SFTPD: variants seen among roughly 807,000 people sequenced by gnomAD.
The protein encoded by SFTPD is surfactant protein D.
In SFTPD, 18 loss-of-function variants were observed where a neutral mutation model predicts 34.6. That is an observed-to-expected ratio of 0.52 (90% CI 0.36 to 0.77). SFTPD has a LOEUF of 0.77. Ranked by LOEUF, SFTPD falls within the 30% of genes least tolerant of loss-of-function variation. SFTPD has a pLI of 0.00. For synonymous variants in SFTPD, 155 were observed against 180.9 expected (o/e 0.86, Z 1.15); for missense variants, 433 against 468.9 (o/e 0.92, Z 0.71).
chr10:79,946,680 AAG>A lies in SFTPD; in HGVS notation c.-3-20_-3-19del. ...AGCATGGCCTGGAGAGGTGAACAGA[AAG>A]AGAAAAGACATGCTTATGCTTCATG... On this transcript the variant is annotated intron_variant, in intron 1 of 7. Coordinates refer to ENST00000372292, the MANE Select transcript of SFTPD (RefSeq NM_003019.5). 1.2e-6 allele frequency: 2 copies of A among 1,607,252 alleles called. No individual in the cohort carries two copies. Among genetic ancestry groups the A allele is most frequent in the South Asian group, 2.2e-5 (2 of 90,534 alleles).
At chr10:79,951,105 A>T (rs1842707572), upstream of SFTPD, 2 of 151,446 alleles carry the variant, frequency 1.3e-5, no homozygotes, top group Admixed American at 1.3e-4. Context: ...TATTTTTCTG[A>T]TTTCCTTATG....
At chr10:79,941,903 C>T in intron 5 of SFTPD, 51 bp downstream of exon 5, 1 of 1,191,454 alleles carries the variant, frequency 8.4e-7, no homozygotes, top group Non-Finnish European at 1.2e-6. Context: ...CAGCTCCAAG[C>T]AGGCACAGGA....
intron 1 of SFTPD, among the ~76,000 whole-genome samples, chr10:79,981,641 T>G (rs2132532515): frequency 6.6e-6 from 1 of 152,240 alleles, no homozygotes. Flanking sequence ...CGCCCGTTTT[T>G]CCTCTTTCTC....
chr10:79,976,375 T>A (rs1842864367), intron 1 of SFTPD, among the ~76,000 whole-genome samples: 1 of 152,162 alleles, frequency 6.6e-6, no homozygotes, highest in African/African-American at 2.4e-5. Context: ...CCTGACAGCC[T>A]GTGCAAAAAC....
At chr10:79,944,667 A>G (rs1215567327) in intron 2 of SFTPD, among the ~76,000 whole-genome samples, 2 of 152,132 alleles carry the variant, frequency 1.3e-5, no homozygotes, top group African/African-American at 2.4e-5. Flanking sequence ...GATTTGTCCA[A>G]GGGAGACGAG....
At position 79,938,070 on chromosome 10, in the gene SFTPD, C is replaced by T. The variant is rs775964997; in HGVS notation, c.910G>A (p.Val304Ile). The part of the protein sequence containing the change: ...AAENAALQQL[V>I]VAKNEAAFLS... ...AAAGCAGCCTCGTTCTTAGCTACGA[C>T]CAGCTGTTGCAAGGCGGCATTCTCA... Residue 304 changes from valine to isoleucine, a missense_variant, in exon 8 of 8, where the codon GTC (valine) becomes ATC (isoleucine). Val to Ile is a conservative substitution (Grantham distance 29, BLOSUM62 3). Coordinates refer to ENST00000372292, the MANE Select transcript of SFTPD (RefSeq NM_003019.5). 1.7e-5 allele frequency: 28 copies of T among 1,614,026 alleles called. No homozygotes were observed. Among genetic ancestry groups the T allele is most frequent in the Non-Finnish European group, 2.4e-5 (28 of 1,180,016 alleles).
At chr10:79,982,220 TC>T in intron 1 of SFTPD, 1 of 599,430 alleles carries the variant, frequency 1.7e-6, no homozygotes, top group Non-Finnish European at 2.4e-6. Flanking sequence ...GGATCTACCT[TC>T]CAGTAGCAAC....
chr10:79,938,793 A>G (rs1783044062), intron 7 of SFTPD, among the ~76,000 whole-genome samples: 1 of 152,178 alleles, frequency 6.6e-6, no homozygotes, highest in Non-Finnish European at 1.5e-5. Flanking sequence ...GACATCTGAA[A>G]GCTGTCAGAT....
chr10:79,968,179 A>T (rs1244180917), intron 1 of SFTPD: 1 of 151,436 alleles, frequency 6.6e-6, no homozygotes, highest in Non-Finnish European at 1.5e-5. Context: ...TTTGTTGGGA[A>T]TTTTTAAAAA....
At chr10:79,952,333 C>T (rs929708165), upstream of SFTPD, among the ~76,000 whole-genome samples, 3 of 152,182 alleles carry the variant, frequency 2.0e-5, no homozygotes, top group Non-Finnish European at 4.4e-5. Flanking sequence ...TAGGGACAGC[C>T]AACGGTCTAT....
chr10:79,951,655 G>A (rs575083610), upstream of SFTPD, among the ~76,000 whole-genome samples: 5 of 152,258 alleles, frequency 3.3e-5, no homozygotes, highest in African/African-American at 1.2e-4. Context: ...TTTTTATTTG[G>A]TTGTGCAATT....
At chr10:79,972,513 G>C (rs12262425) in intron 1 of SFTPD, 11,571 of 148,840 alleles carry the variant, frequency 0.078, 865 homozygotes, top group East Asian at 0.39. Flanking sequence ...CACACACACA[G>C]ACACACACAC....
chr10:79,938,634 A>G (rs1842581237), intron 7 of SFTPD, among the ~76,000 whole-genome samples: 1 of 152,230 alleles, frequency 6.6e-6, no homozygotes, highest in South Asian at 2.1e-4. Context: ...AGTTGATCAC[A>G]GTGTAGACCA....
intron 1 of SFTPD, among the ~76,000 whole-genome samples, chr10:79,979,357 T>A (rs1842879069): frequency 6.6e-6 from 1 of 152,050 alleles, no homozygotes; most frequent in Admixed American, 6.6e-5. Flanking sequence ...GAACCAAAAA[T>A]CAGGTGAGCA....
intron 1 of SFTPD, among the ~76,000 whole-genome samples, chr10:79,977,653 G>A (rs1842870292): frequency 6.6e-6 from 1 of 152,200 alleles, no homozygotes; most frequent in African/African-American, 2.4e-5. Flanking sequence ...GAGCCCTCTT[G>A]CCAGCTGGAA....
chr10:79,938,067 C>T lies in SFTPD; in HGVS notation c.913G>A (p.Val305Ile), dbSNP rs548930059. The change falls in exon 8 of 8, where the codon GTA becomes ATA. Residue 305 changes from valine (V) to isoleucine (I), a missense_variant. Coordinates refer to ENST00000372292, the MANE Select transcript of SFTPD (RefSeq NM_003019.5). The part of the protein sequence containing the change: ...AENAALQQLV[V>I]AKNEAAFLSM... ...AGGAAAGCAGCCTCGTTCTTAGCTA[C>T]GACCAGCTGTTGCAAGGCGGCATTC... The T allele has an allele frequency of 2.0e-5, 32 of 1,614,156 alleles. No individual in the cohort carries two copies. The East Asian group carries it at 2.0e-4, about 10-fold the overall frequency.
intron 1 of SFTPD, among the ~76,000 whole-genome samples, chr10:79,964,156 G>C (rs1842790342): frequency 6.6e-6 from 1 of 152,018 alleles, no homozygotes; most frequent in Non-Finnish European, 1.5e-5. Flanking sequence ...CTTGCAAAAG[G>C]ACTACTCATC....
At chr10:79,956,450 C>T (rs796243916) in intron 1 of SFTPD, among the ~76,000 whole-genome samples, 1 of 152,256 alleles carries the variant, frequency 6.6e-6, no homozygotes, top group Non-Finnish European at 1.5e-5. Context: ...TCACTCCCAC[C>T]CTAATACTGT....
chr10:79,940,865 A>T, intron 6 of SFTPD, 77 bp from the exon 7 acceptor site: 1 of 955,216 alleles, frequency 1.0e-6, no homozygotes, highest in Non-Finnish European at 1.7e-6. Context: ...CCCCAAAGGA[A>T]GGGTGTCTAG....
Sources: allele counts gnomAD v4.1 joint callset (sites outside exome capture counted in the v4.1 genomes callset), GRCh38; gene constraint gnomAD v4.1.1; transcripts MANE v1.5; gene names NCBI Gene and HGNC (gene_info 2026-07-23, HGNC 2026-07-21).